The following ATL2 variants were observed in gnomAD, a reference collection of about 807,000 sequenced individuals.
ATL2 encodes atlastin-2.
A neutral mutation model predicts 73.9 loss-of-function variants in ATL2; 31 were observed. The ratio of observed to expected loss-of-function variants is 0.42; its 90% confidence interval spans 0.32 to 0.57. The LOEUF is 0.57. Among genes scored for constraint, ATL2 ranks in the 20% least tolerant of loss-of-function variants. The probability of loss-of-function intolerance (pLI) is 0.14; values close to 1 mark genes in which losing one functional copy is unlikely to be tolerated. For missense variants in ATL2, 738 were observed against 702.6 expected, an observed-to-expected ratio of 1.05 and a Z score of -0.57; for synonymous variants, 291 against 237.5, an observed-to-expected ratio of 1.23 and a Z score of -2.07.
chr2:38,325,697 A>C (rs1178316391), intron 2 of ATL2, among the ~76,000 whole-genome samples: 2 of 3,720 alleles, frequency 5.4e-4, no homozygotes, highest in Non-Finnish European at 9.9e-4. Flanking sequence ...CACACACACC[A>C]GTACACACAC....
chr2:38,318,494 G>T, intron 4 of ATL2, 41 bp downstream of exon 4: 4 of 1,403,224 alleles, frequency 2.9e-6, no homozygotes, highest in Non-Finnish European at 3.9e-6. Context: ...GGGGCCAAAT[G>T]ATTACGTGAA....
chr2:38,315,507 A>G (rs1252544985), intron 4 of ATL2, among the ~76,000 whole-genome samples, 173 bp from the exon 5 acceptor site: 2 of 152,176 alleles, frequency 1.3e-5, no homozygotes. Context: ...TTTCCTAACA[A>G]TAGTCAAGAT....
chr2:38,366,962 C>A (rs1236748225), intron 1 of ATL2, among the ~76,000 whole-genome samples: 1 of 152,122 alleles, frequency 6.6e-6, no homozygotes, highest in African/African-American at 2.4e-5. Flanking sequence ...TAACTTTGTG[C>A]ACTTAGTACA....
chr2:38,332,293 A>T (rs1266964806), intron 2 of ATL2, among the ~76,000 whole-genome samples: 2 of 151,996 alleles, frequency 1.3e-5, no homozygotes, highest in African/African-American at 2.4e-5. Context: ...TGTAACCTCA[A>T]CCTCCTGGGC....
intron 5 of ATL2, 67 bp from the exon 6 acceptor site, chr2:38,314,731 T>C: frequency 9.9e-7 from 1 of 1,011,994 alleles, no homozygotes; most frequent in South Asian, 1.6e-5. Flanking sequence ...GTAAACCTGT[T>C]CCACACCAAA....
chr2:38,370,434 G>A (rs1368456263), intron 1 of ATL2, among the ~76,000 whole-genome samples: 1 of 118,524 alleles, frequency 8.4e-6, no homozygotes, highest in Non-Finnish European at 1.6e-5. Context: ...GGGAGACAGA[G>A]TGAGACTCTG....
chr2:38,312,762 T>C (rs1667828861), intron 7 of ATL2, among the ~76,000 whole-genome samples: 1 of 151,490 alleles, frequency 6.6e-6, no homozygotes, highest in Admixed American at 6.6e-5. Context: ...TCCGCCATGA[T>C]TGTAAGTTTC....
At chr2:38,366,717 G>A (rs185389353) in intron 1 of ATL2, among the ~76,000 whole-genome samples, 13 of 152,258 alleles carry the variant, frequency 8.5e-5, no homozygotes, top group East Asian at 3.9e-4. Flanking sequence ...TATGATCTAC[G>A]TGAAAGCTTA....
At chr2:38,355,395 C>A (rs111825276) in intron 1 of ATL2, among the ~76,000 whole-genome samples, 1 of 152,094 alleles carries the variant, frequency 6.6e-6, no homozygotes, top group Non-Finnish European at 1.5e-5. Context: ...GGATTACAGG[C>A]GTGAGCCACT....
chr2:38,351,701 C>A (rs999999986), intron 1 of ATL2, among the ~76,000 whole-genome samples: 2 of 151,942 alleles, frequency 1.3e-5, no homozygotes, highest in East Asian at 3.9e-4. Flanking sequence ...TCACCTTGAT[C>A]AGGCTGGTCT....
In ATL2 at chr2:38,309,490, A is replaced by G. The variant is rs779638608; in HGVS notation, c.960T>C (p.Phe320=). The G allele has an allele frequency of 1.2e-5, 19 of 1,611,498 alleles. No homozygotes were observed. The Admixed American group carries it at 2.8e-4, about 24-fold the overall frequency. Residue 320 remains phenylalanine (F), a synonymous_variant, in exon 9 of 13, where the codon TTT becomes TTC. Transcript: ENST00000378954. The part of the protein sequence containing the change: ...DGRLKDIDED[F]KRELRNLVPL... ...GAACCAGATTTCGAAGCTCTCGTTT[A>G]AAGTCTTCATCAATATCTAGAAAAC...
At chr2:38,360,491 A>G (rs1015554101) in intron 1 of ATL2, among the ~76,000 whole-genome samples, 1 of 152,138 alleles carries the variant, frequency 6.6e-6, no homozygotes. Flanking sequence ...TATGTTGCCC[A>G]GGCTGGTCTC....
chr2:38,321,147 T>A (rs1219330940), intron 2 of ATL2, among the ~76,000 whole-genome samples: 1 of 152,194 alleles, frequency 6.6e-6, no homozygotes, highest in African/African-American at 2.4e-5. Flanking sequence ...CGCTCCAGCC[T>A]GGGCAACAGA....
chr2:38,341,626 G>T (rs113082233), intron 2 of ATL2, among the ~76,000 whole-genome samples: 4 of 152,294 alleles, frequency 2.6e-5, no homozygotes, highest in African/African-American at 9.6e-5. Flanking sequence ...CCGCACTCCA[G>T]CCTATGTGAC....
At chr2:38,373,363 G>T (rs1336858654) in intron 1 of ATL2, among the ~76,000 whole-genome samples, 1 of 152,204 alleles carries the variant, frequency 6.6e-6, no homozygotes, top group Non-Finnish European at 1.5e-5. Context: ...GCCTCTAAGT[G>T]GTTGTTTGGG....
At chr2:38,337,243 G>C (rs1669411271) in intron 2 of ATL2, among the ~76,000 whole-genome samples, 3 of 151,886 alleles carry the variant, frequency 2.0e-5, no homozygotes, top group Admixed American at 2.0e-4. Context: ...CCAACACTTT[G>C]GGAGGCTGAG....
At chr2:38,367,619 G>A (rs139486318) in intron 1 of ATL2, among the ~76,000 whole-genome samples, 111,475 of 112,042 alleles carry the variant, frequency 0.99, 55,456 homozygotes, top group Non-Finnish European at 1. Flanking sequence ...AAAAAAAACC[G>A]CCCATTTAAA....
At chr2:38,370,448 CAAAAAAAAAAA>C (rs55964015) in intron 1 of ATL2, among the ~76,000 whole-genome samples, 101 of 55,214 alleles carry the variant, frequency 1.8e-3, no homozygotes, top group South Asian at 0.017. Context: ...GACTCTGTCC[CAAAAAAAAAAA>C]AAAAAAAAAA....
chr2:38,325,699 TACACACACACAC>T (rs1221635411), intron 2 of ATL2, among the ~76,000 whole-genome samples: 277 of 11,248 alleles, frequency 0.025, 6 homozygotes, highest in Middle Eastern at 0.11. Context: ...CACACACCAG[TACACACACACAC>T]ACACACACAC....
Sources: allele counts gnomAD v4.1 joint callset (sites outside exome capture counted in the v4.1 genomes callset), GRCh38; gene constraint gnomAD v4.1.1; transcripts MANE v1.5; gene names NCBI Gene and HGNC (gene_info 2026-07-23, HGNC 2026-07-21).